Variants in RELN observed in about 807,000 individuals in gnomAD.
The protein encoded by RELN is reelin.
In RELN, 108 loss-of-function variants were observed where a neutral mutation model predicts 427.6. The observed-to-expected ratio is 0.25, with a 90% CI of 0.22 to 0.30. The LOEUF is 0.30. Ranked by LOEUF, RELN falls within the 10% of genes least tolerant of loss-of-function variation. The probability of loss-of-function intolerance (pLI) is 1.00; values close to 1 mark genes in which losing one functional copy is unlikely to be tolerated. For synonymous variants in RELN, 1,524 were observed against 1,513.4 expected (o/e 1.01, Z -0.16); for missense variants, 3,715 against 4,302.8 (o/e 0.86, Z 3.82).
At chr7:103,660,168 T>C (rs577707867) in intron 12 of RELN, among the ~76,000 whole-genome samples, 1 of 152,212 alleles carries the variant, frequency 6.6e-6, no homozygotes, top group Non-Finnish European at 1.5e-5. Context: ...TGAAATACAT[T>C]GTGTCAAAAA....
Position 103,652,735 on chromosome 7 carries a change from T to G in RELN, c.1579A>C (p.Ile527Leu), listed in dbSNP as rs1832948310. The G allele has an allele frequency of 6.2e-7, 1 of 1,612,632 alleles. No homozygotes were observed. Among genetic ancestry groups the G allele is most frequent in the African/African-American group, 1.3e-5 (1 of 74,814 alleles). ...YKVPSLVSVV[I>L]NPELQTPATK... ...GCAGGAGTCTGAAGTTCAGGATTGA[T>G]GACCACAGAAACCAAAGACGGAACC... The change falls in exon 14 of 65, where the codon ATC becomes CTC. Residue 527 changes from isoleucine (I) to leucine (L), a missense_variant. Coordinates refer to ENST00000428762, the MANE Select transcript of RELN (RefSeq NM_005045.4).
chr7:103,897,191 G>A (rs546246777), intron 2 of RELN, among the ~76,000 whole-genome samples: 1 of 152,172 alleles, frequency 6.6e-6, no homozygotes, highest in Non-Finnish European at 1.5e-5. Flanking sequence ...GTGAGAGCTG[G>A]GTGGAGACAT....
intron 2 of RELN, among the ~76,000 whole-genome samples, chr7:103,858,620 T>A (rs1180560100): frequency 6.6e-6 from 1 of 152,092 alleles, no homozygotes; most frequent in African/African-American, 2.4e-5. Context: ...ATATAATACT[T>A]AGCTTATTTA....
chr7:103,502,970 C>A lies in RELN; in HGVS notation c.8489+46G>T, dbSNP rs1413496516. On this transcript the variant is annotated intron_variant, in intron 52 of 64. Coordinates refer to ENST00000428762, the MANE Select transcript of RELN (RefSeq NM_005045.4). ...TGACAACAGTGTACCTAATGGTGTA[C>A]CTTCTGGATGCTTGGAACCAGGCTT... 7.4e-6 allele frequency: 11 copies of A among 1,495,612 alleles called. No individual in the cohort carries two copies. In the Admixed American group the frequency reaches 1.0e-4, roughly 14 times the overall value. 92.6% of individuals were successfully genotyped at this position (1,495,612 alleles called of 1,614,324 possible).
intron 4 of RELN, among the ~76,000 whole-genome samples, chr7:103,753,949 C>T (rs1244886339): frequency 6.6e-6 from 1 of 152,094 alleles, no homozygotes; most frequent in African/African-American, 2.4e-5. Context: ...GGTAAATCAG[C>T]TCTTCTAATA....
At chr7:103,617,214 T>A (rs1432324031) in intron 20 of RELN, among the ~76,000 whole-genome samples, 2 of 152,108 alleles carry the variant, frequency 1.3e-5, no homozygotes, top group African/African-American at 2.4e-5. Context: ...ATTTTTAAAG[T>A]GGGTTTATTT....
chr7:103,519,223 G>A (rs1584259294), intron 49 of RELN, 100 bp downstream of exon 49: 1 of 876,598 alleles, frequency 1.1e-6, no homozygotes, highest in South Asian at 1.4e-5. Context: ...ATCCTCTAGT[G>A]AGGCATAAGT....
intron 45 of RELN, 65 bp downstream of exon 45, chr7:103,539,013 A>G: frequency 2.5e-6 from 4 of 1,590,086 alleles, no homozygotes; most frequent in South Asian, 2.2e-5. Context: ...TAGTCCTATG[A>G]CAGAGGCAGC....
intron 3 of RELN, among the ~76,000 whole-genome samples, chr7:103,806,967 A>T (rs1414018711): frequency 6.6e-6 from 1 of 152,130 alleles, no homozygotes. Context: ...CCTTCAAGTC[A>T]ATGGCTTTAC....
chr7:103,540,171 A>AAAT, intron 44 of RELN, 26 bp downstream of exon 44: 1 of 1,613,890 alleles, frequency 6.2e-7, no homozygotes, highest in Non-Finnish European at 8.5e-7. Flanking sequence ...ACGACAATTA[A>AAAT]AATAGTTAAT....
Position 103,472,499 on chromosome 7 carries a change from A to G in RELN, c.*313T>C, listed in dbSNP as rs559687149. 2 of 349,418 alleles carry G rather than the reference A, an allele frequency of 5.7e-6. No homozygotes were observed. The highest frequency in any genetic ancestry group is 4.2e-5 in the African/African-American group (2 of 47,604). 21.6% of individuals were successfully genotyped at this position (349,418 alleles called of 1,614,324 possible). On this transcript the variant is annotated 3_prime_UTR_variant, in exon 65 of 65. Coordinates refer to ENST00000428762, the MANE Select transcript of RELN (RefSeq NM_005045.4). ...CCATTTTAAACATAAAATCTCTTAA[A>G]TTTTTTGTGCTTAAATTTCATTTTT...
chr7:103,892,771 T>A (rs575537087), intron 2 of RELN, among the ~76,000 whole-genome samples: 3 of 152,318 alleles, frequency 2.0e-5, no homozygotes, highest in East Asian at 3.9e-4. Flanking sequence ...CTTTAAAATA[T>A]CATTTCCAGT....
At chr7:103,889,494 G>C (rs563919713) in intron 2 of RELN, among the ~76,000 whole-genome samples, 384 of 152,290 alleles carry the variant, frequency 2.5e-3, no homozygotes, top group African/African-American at 8.5e-3. Flanking sequence ...AGAGTCAAGA[G>C]GGTTTAGTGA....
At chr7:103,572,315 G>A (rs1275206140) in intron 30 of RELN, 55 bp from the exon 31 acceptor site, 1 of 966,326 alleles carries the variant, frequency 1.0e-6, no homozygotes, top group Admixed American at 1.7e-5. Context: ...AGAGCTGTAA[G>A]CATTAGCGTT....
intron 3 of RELN, among the ~76,000 whole-genome samples, chr7:103,797,703 T>C (rs1314423879): frequency 6.6e-6 from 1 of 152,130 alleles, no homozygotes; most frequent in Non-Finnish European, 1.5e-5. Flanking sequence ...ACCAACCCTA[T>C]TATGAACTCA....
At position 103,519,515 on chromosome 7, in the gene RELN, C is replaced by T; in HGVS notation, c.7670G>A (p.Gly2557Asp). The change falls in exon 49 of 65, where the codon GGT becomes GAT. Residue 2557 changes from glycine (G) to aspartate (D), a missense_variant and splice_region_variant. Physicochemically the swap from Gly to Asp is moderately conservative, Grantham distance 94 (BLOSUM62 -1). Transcript: ENST00000428762. ...ASGMALHFSG[G>D]CSRLLVTVDL... The stretch of plus-strand genomic sequence containing the variant: ...CACAGTGACTAATAATCGACTACAA[C>T]CCTAAGAAAAAGAAGTAAAATAAAA... 1 of 1,605,480 alleles carries T rather than the reference C, an allele frequency of 6.2e-7. No individual in the cohort carries two copies. Among genetic ancestry groups the T allele is most frequent in the Non-Finnish European group, 8.5e-7 (1 of 1,172,612 alleles).
At chr7:103,612,024 G>A (rs375604771) in intron 20 of RELN, among the ~76,000 whole-genome samples, 1 of 152,106 alleles carries the variant, frequency 6.6e-6, no homozygotes, top group Non-Finnish European at 1.5e-5. Flanking sequence ...GTTGTCAAAT[G>A]TACCTAAAAT....
chr7:103,856,458 A>C (rs1793946586), intron 2 of RELN, among the ~76,000 whole-genome samples: 1 of 151,396 alleles, frequency 6.6e-6, no homozygotes, highest in African/African-American at 2.4e-5. Context: ...AATCCCAGCT[A>C]CTTGGGAGGC....
intron 6 of RELN, among the ~76,000 whole-genome samples, chr7:103,740,953 C>A (rs975892426): frequency 6.6e-6 from 1 of 152,146 alleles, no homozygotes; most frequent in African/African-American, 2.4e-5. Flanking sequence ...TGGCTAAATG[C>A]AGCATACCCA....
Sources: allele counts gnomAD v4.1 joint callset (sites outside exome capture counted in the v4.1 genomes callset), GRCh38; gene constraint gnomAD v4.1.1; transcripts MANE v1.5; gene names NCBI Gene and HGNC (gene_info 2026-07-23, HGNC 2026-07-21).